MTUS1: variants seen among roughly 807,000 people sequenced by gnomAD.
MTUS1 encodes the protein microtubule associated scaffold protein 1, also known as microtubule-associated tumor suppressor 1.
Under a neutral mutation model 120.8 loss-of-function variants are expected in MTUS1, and 109 were observed. That is an observed-to-expected ratio of 0.90 (90% confidence interval 0.77 to 1.06). The LOEUF is 1.06. Among genes scored for constraint, MTUS1 ranks in the 50% least tolerant of loss-of-function variants. MTUS1 has a pLI of 0.00. For synonymous variants in MTUS1, 737 were observed against 550.5 expected (o/e 1.34, Z -4.74); for missense variants, 2,210 against 1,486.3 (o/e 1.49, Z -8.01).
At chr8:17,670,232 A>G (rs542909755) in intron 8 of MTUS1, among the ~76,000 whole-genome samples, 1 of 152,340 alleles carries the variant, frequency 6.6e-6, no homozygotes, top group Admixed American at 6.5e-5. Flanking sequence ...GTCTGATTAT[A>G]CTGGACTGGC....
Position 17,755,663 on chromosome 8 carries a change from C to A in MTUS1, c.145G>T (p.Ala49Ser). The stretch of plus-strand genomic sequence containing the variant: ...TCAACCACCATGTCATCTGGGTTGG[C>A]AGAATTCCAGTTCACACTGCTGGCT... ...SSASSVNWNS[A>S]NPDDMVVDYE... Residue 49 changes from alanine to serine, a missense_variant, in exon 2 of 15, where the codon GCC becomes TCC. By Grantham distance (99) the Ala-to-Ser change is moderately conservative. Coordinates refer to ENST00000693296, the MANE Select transcript of MTUS1 (RefSeq NM_001363059.2). 6.2e-7 allele frequency: 1 copy of A among 1,614,186 alleles called. No individual in the cohort carries two copies.
intron 3 of MTUS1, among the ~76,000 whole-genome samples, chr8:17,733,908 C>T (rs546212988): frequency 2.6e-5 from 4 of 152,302 alleles, no homozygotes; most frequent in East Asian, 1.9e-4. Flanking sequence ...AAAAGTTAAA[C>T]AGCACAAAGC....
chr8:17,674,418 CA>C (rs1251066754), intron 8 of MTUS1: 1,959 of 741,876 alleles, frequency 2.6e-3, no homozygotes, highest in Middle Eastern at 3.4e-3. Flanking sequence ...GATTCCGTCT[CA>C]AAAAAAAAAG....
At chr8:17,687,193 G>A (rs571898200) in intron 6 of MTUS1, among the ~76,000 whole-genome samples, 1 of 152,154 alleles carries the variant, frequency 6.6e-6, no homozygotes, top group Non-Finnish European at 1.5e-5. Context: ...CGTGGCGCTG[G>A]AAACTCGTGC....
intron 8 of MTUS1, among the ~76,000 whole-genome samples, chr8:17,658,924 T>G (rs527577219): frequency 5.9e-5 from 9 of 151,804 alleles, no homozygotes; most frequent in Non-Finnish European, 1.0e-4. Flanking sequence ...CCTTAAAAAT[T>G]AAATCAATCT....
chr8:17,711,694 C>A (rs1821331725), intron 6 of MTUS1, among the ~76,000 whole-genome samples: 1 of 152,224 alleles, frequency 6.6e-6, no homozygotes, highest in Non-Finnish European at 1.5e-5. Context: ...ACTTGGCTAA[C>A]TGCTTGGCAC....
At chr8:17,694,033 C>T (rs1817477913) in intron 6 of MTUS1, among the ~76,000 whole-genome samples, 1 of 152,218 alleles carries the variant, frequency 6.6e-6, no homozygotes, top group East Asian at 1.9e-4. Flanking sequence ...TATTTGGCTA[C>T]TTTTGACTTA....
intron 6 of MTUS1, among the ~76,000 whole-genome samples, chr8:17,708,125 T>G (rs1188886712): frequency 6.6e-6 from 1 of 152,180 alleles, no homozygotes; most frequent in Non-Finnish European, 1.5e-5. Flanking sequence ...TTGTCAAAAT[T>G]TAAAACGTTT....
intron 6 of MTUS1, among the ~76,000 whole-genome samples, chr8:17,694,567 C>A (rs1473260315): frequency 6.6e-6 from 1 of 152,030 alleles, no homozygotes; most frequent in Non-Finnish European, 1.5e-5. Context: ...ACTCGGGAGG[C>A]TGAGGCAGCA....
At position 17,688,037 on chromosome 8, in the gene MTUS1, AG is replaced by A. The variant is rs368890362; in HGVS notation, c.2624-3496del. ...TAGCAGCTGAGGACACATTCATTCT[AG>A]GCTGAAGAAGCCACACATTTCCTCA... On this transcript the variant is annotated intron_variant, in intron 6 of 14. Transcript: ENST00000693296. Among the ~76,000 whole-genome samples, 485 of 152,344 alleles carry A rather than the reference AG, an allele frequency of 3.2e-3. 5 individuals carry two copies. The highest frequency in any genetic ancestry group is 9.4e-3 in the African/African-American group (391 of 41,588).
At chr8:17,701,181 T>C (rs957918839) in intron 6 of MTUS1, among the ~76,000 whole-genome samples, 1 of 152,182 alleles carries the variant, frequency 6.6e-6, no homozygotes, top group Non-Finnish European at 1.5e-5. Context: ...TATTAATCTT[T>C]ATATTTATCT....
intron 6 of MTUS1, among the ~76,000 whole-genome samples, chr8:17,687,154 G>A (rs1486223071): frequency 1.3e-5 from 2 of 152,090 alleles, no homozygotes; most frequent in African/African-American, 4.8e-5. Context: ...TTTAAAATGA[G>A]AGCAAATGAG....
At chr8:17,724,362 A>T (rs2046067986) in intron 3 of MTUS1, among the ~76,000 whole-genome samples, 1 of 152,208 alleles carries the variant, frequency 6.6e-6, no homozygotes, top group African/African-American at 2.4e-5. Context: ...GAAAACTTTA[A>T]CAAAATTCTC....
At chr8:17,709,673 C>T (rs1482692323) in intron 6 of MTUS1, among the ~76,000 whole-genome samples, 4 of 152,064 alleles carry the variant, frequency 2.6e-5, no homozygotes, top group East Asian at 1.9e-4. Flanking sequence ...ATTAACACTA[C>T]ACTATAGTCT....
At position 17,743,754 on chromosome 8, in the gene MTUS1, T is replaced by C. The variant is rs201400815; in HGVS notation, c.2137A>G (p.Lys713Glu). The C allele has an allele frequency of 1.7e-5, 27 of 1,614,146 alleles. No individual in the cohort carries two copies. The Admixed American group carries it at 3.8e-4, about 23-fold the overall frequency. Residue 713 changes from lysine to glutamate, a missense_variant, in exon 3 of 15, where the codon AAG (lysine) becomes GAG (glutamate). Physicochemically the swap from Lys to Glu is moderately conservative, Grantham distance 56 (BLOSUM62 1). Transcript: ENST00000693296. Reference sequence around the variant, plus strand: ...TGCCTCAAACCGCAGGAGTCAGGCTTGGATATATTCCTACCTGAGGTGGTC... The same window carrying C: ...TGCCTCAAACCGCAGGAGTCAGGCTCGGATATATTCCTACCTGAGGTGGTC... ...TTTTSGRNIS[K>E]PDSCGLRQIA...
In MTUS1 at chr8:17,645,187, T is replaced by G. The variant is rs1212990821; in HGVS notation, c.*739A>C. ...AAAAAATCTACAGAAAAATCTAGTTTCAACTGACATGGCTGAACACTGAAA... is the reference window on the plus strand; with the variant it reads ...AAAAAATCTACAGAAAAATCTAGTTGCAACTGACATGGCTGAACACTGAAA... On this transcript the variant is annotated 3_prime_UTR_variant, in exon 15 of 15. Transcript: ENST00000693296. 1.3e-5 allele frequency: 2 copies of G among 152,570 alleles called. No homozygotes were observed. The highest frequency in any genetic ancestry group is 2.9e-5 in the Non-Finnish European group (2 of 68,022). 9.5% of individuals were successfully genotyped at this position (152,570 alleles called of 1,614,324 possible).
At chr8:17,752,785 C>G (rs1165567061) in intron 2 of MTUS1, among the ~76,000 whole-genome samples, 1 of 152,038 alleles carries the variant, frequency 6.6e-6, no homozygotes, top group African/African-American at 2.4e-5. Flanking sequence ...CCTTCCTGGC[C>G]CAGAGGACAG....
intron 1 of MTUS1, among the ~76,000 whole-genome samples, chr8:17,798,290 G>T (rs964642140): frequency 6.6e-6 from 1 of 152,114 alleles, no homozygotes; most frequent in Non-Finnish European, 1.5e-5. Flanking sequence ...CCAAGATATG[G>T]AAGTTCTTGC....
chr8:17,738,889 G>T lies in MTUS1; in HGVS notation c.2287+4715C>A, dbSNP rs114819173. Among the ~76,000 whole-genome samples, 1,222 of 150,844 alleles carry T rather than the reference G, an allele frequency of 8.1e-3. 12 individuals carry two copies. Among genetic ancestry groups the T allele is most frequent in the African/African-American group, 0.028 (1,131 of 41,080 alleles). On this transcript the variant is annotated intron_variant, in intron 3 of 14. Coordinates refer to ENST00000693296, the MANE Select transcript of MTUS1 (RefSeq NM_001363059.2). ...TGTGGTGGTTCATGCCTGTCATCTC[G>T]GTACTGTGGGAGGCCTAGGTGGGAG...
Sources: allele counts gnomAD v4.1 joint callset (sites outside exome capture counted in the v4.1 genomes callset), GRCh38; gene constraint gnomAD v4.1.1; transcripts MANE v1.5; gene names NCBI Gene and HGNC (gene_info 2026-07-23, HGNC 2026-07-21).